The following VWA5B2 variants were observed in gnomAD, a reference collection of about 807,000 sequenced individuals.
VWA5B2 encodes von Willebrand factor A domain containing 5B2, also known as von Willebrand factor A domain-containing protein 5B2.
Under a neutral mutation model 118.5 loss-of-function variants are expected in VWA5B2, and 93 were observed. The observed-to-expected ratio is 0.79, with a 90% CI of 0.66 to 0.93. VWA5B2 has a LOEUF of 0.93. VWA5B2 is among the 40% of genes least tolerant of loss of function. The pLI is 0.00. For missense variants in VWA5B2, 1,546 were observed against 1,672.8 expected (o/e 0.92, Z 1.32); for synonymous variants, 708 against 716.3 (o/e 0.99, Z 0.19).
At chr3:184,236,113 T>G in intron 8 of VWA5B2, 39 bp from the exon 9 acceptor site, 2 of 1,520,788 alleles carry the variant, frequency 1.3e-6, no homozygotes, top group African/African-American at 1.4e-5. Flanking sequence ...TCAGGGCCCA[T>G]GGGGCCGGCC....
intron 6 of VWA5B2, 30 bp downstream of exon 6, chr3:184,234,427 C>T: frequency 9.0e-6 from 14 of 1,550,298 alleles, no homozygotes; most frequent in Non-Finnish European, 1.2e-5. Flanking sequence ...CGTGGGCCGG[C>T]TCTGACCTGC....
Position 184,239,688 on chromosome 3 carries a change from G to T in VWA5B2, c.2393-1G>T. The T allele has an allele frequency of 6.8e-7, 1 of 1,465,958 alleles. No homozygotes were observed. Among genetic ancestry groups the T allele is most frequent in the South Asian group, 1.4e-5 (1 of 70,214 alleles). The allele number at this position is 1,465,958 out of a possible 1,614,324, so 90.8% of individuals were successfully genotyped here. The stretch of plus-strand genomic sequence containing the variant: ...ATGCCCCTGCTGTCTTGCCTCCCCA[G>T]GAAACCTGCTCTCCCCAGCCCCTAT... On this transcript the variant is annotated splice_acceptor_variant, in intron 15 of 19. Transcript: ENST00000691901. LOFTEE classifies it high-confidence loss of function. This position sits in a 1 kb window ranked among gnomAD's most constrained non-coding sequence, Gnocchi z 5.1.
In VWA5B2 at chr3:184,239,784, C is replaced by G. The variant is rs1411201743; in HGVS notation, c.2488C>G (p.Pro830Ala). ...GCCTCCTAGTGGGGAGTTGGCCCCTCCAGCAGTGCCTCCCCAGGCTCCACG... is the reference window on the plus strand; with the variant it reads ...GCCTCCTAGTGGGGAGTTGGCCCCTGCAGCAGTGCCTCCCCAGGCTCCACG... ...AVPPSGELAP[P>A]AVPPQAPRCH... The change falls in exon 16 of 20, where the codon CCA becomes GCA. Residue 830 changes from proline (P) to alanine (A), a missense_variant. Pro to Ala is a conservative substitution (Grantham distance 27, BLOSUM62 -1). Transcript: ENST00000691901. This position sits in a 1 kb window ranked among gnomAD's most constrained non-coding sequence, Gnocchi z 5.1. 1 of 1,542,452 alleles carries G rather than the reference C, an allele frequency of 6.5e-7. No homozygotes were observed. The highest frequency in any genetic ancestry group is 8.8e-7 in the Non-Finnish European group (1 of 1,140,848).
chr3:184,233,061 C>T lies in VWA5B2; in HGVS notation c.311-117C>T. The T allele has an allele frequency of 1.2e-6, 1 of 866,216 alleles. No individual in the cohort carries two copies. Among genetic ancestry groups the T allele is most frequent in the Non-Finnish European group, 1.8e-6 (1 of 556,882 alleles). 53.7% of individuals were successfully genotyped at this position (866,216 alleles called of 1,614,324 possible). A position where few individuals can be genotyped will look rare whatever the true frequency, so the allele number is the denominator to read the frequency against. ...GCGTCACCAATGCATTAGCCTAGTG[C>T]CAACACGCAAAGTCCCCCTTGCCCA... is the stretch of plus-strand genomic sequence containing the variant. On this transcript the variant is annotated intron_variant, in intron 3 of 19. Transcript: ENST00000691901. This position sits in a 1 kb window ranked among gnomAD's most constrained non-coding sequence, Gnocchi z 5.2.
At chr3:184,240,677 A>G in intron 16 of VWA5B2, 114 bp from the exon 17 acceptor site, 1 of 1,404,464 alleles carries the variant, frequency 7.1e-7, no homozygotes, top group South Asian at 1.4e-5. Flanking sequence ...AAGGCAATCT[A>G]CTCTGTTAAA....
Position 184,238,738 on chromosome 3 carries a change from A to T in VWA5B2, c.2067A>T (p.Ser689=). 6.4e-7 allele frequency: 1 copy of T among 1,550,928 alleles called. No individual in the cohort carries two copies. The highest frequency in any genetic ancestry group is 8.7e-7 in the Non-Finnish European group (1 of 1,146,966). Residue 689 remains serine (S), a synonymous_variant, in exon 14 of 20, where the codon TCA becomes TCT. Transcript: ENST00000691901. This position sits in a 1 kb window ranked among gnomAD's most constrained non-coding sequence, Gnocchi z 5.0. Reference sequence around the variant, plus strand: ...CAGGCAGCAGTGAGTCCCCAGGCTCACAGGGCCCTGGCTCCCCCGAAGGTA... The same window carrying T: ...CAGGCAGCAGTGAGTCCCCAGGCTCTCAGGGCCCTGGCTCCCCCGAAGGTA... The part of the protein sequence containing the change: ...GSTGSSESPG[S]QGPGSPEGSA...
rs1209912339 is a variant in VWA5B2, at chr3:184,236,201, A to G, written c.1151A>G (p.Asn384Ser). Residue 384 changes from asparagine (N) to serine (S), a missense_variant, in exon 9 of 20, where the codon AAC (asparagine) becomes AGC (serine). By Grantham distance (46) the Asn-to-Ser change is conservative. Around this residue, in one of 3 missense-constraint regions of VWA5B2, gnomAD observed 775 missense variants for 882.3 expected, o/e 0.88. Transcript: ENST00000691901. ...VKSLPPQTLI[N>S]LAVFGTLVQP... ...TCCCTCCCGCCCCAGACGCTTATCA[A>G]CCTGGCCGTGTTTGGGACGTTGGTG... 11 of 1,551,596 alleles carry G rather than the reference A, an allele frequency of 7.1e-6. No homozygotes were observed. The highest frequency in any genetic ancestry group is 8.7e-6 in the Non-Finnish European group (10 of 1,147,004).
chr3:184,236,405 C>T lies in VWA5B2; in HGVS notation c.1275C>T (p.Asp425=), dbSNP rs1052053598. The T allele has an allele frequency of 5.2e-5, 81 of 1,545,908 alleles. No homozygotes were observed. The highest frequency in any genetic ancestry group is 9.8e-5 in the East Asian group (4 of 40,840). Residue 425 remains aspartate (D), a synonymous_variant, in exon 10 of 20, where the codon GAC becomes GAT. Transcript: ENST00000691901. ...TGCAGGTTCCGAGTGGGCCCCCAGACGTGCTGGCTGCTCTGGACTGGGCCG... is the reference window on the plus strand; with the variant it reads ...TGCAGGTTCCGAGTGGGCCCCCAGATGTGCTGGCTGCTCTGGACTGGGCCG... The part of the protein sequence containing the change: ...ETLQVPSGPP[D]VLAALDWAVG...
chr3:184,236,651 G>A lies in VWA5B2; in HGVS notation c.1435G>A (p.Gly479Arg). The A allele has an allele frequency of 1.3e-6, 2 of 1,551,216 alleles. No individual in the cohort carries two copies. The highest frequency in any genetic ancestry group is 1.7e-6 in the Non-Finnish European group (2 of 1,146,674). ...HRGTARCFSF[G>R]LGPTCHQLLQ... is the part of the protein sequence containing the mutation. ...TTCCTTCATCAGATGCTTCTCCTTT[G>A]GGCTGGGGCCCACCTGCCACCAGCT... The change falls in exon 11 of 20, where the codon GGG becomes AGG. Residue 479 changes from glycine (G) to arginine (R), a missense_variant. Gly to Arg is a moderately radical substitution (Grantham distance 125). Transcript: ENST00000691901.
Position 184,235,309 on chromosome 3 carries a change from G to T in VWA5B2, c.1101+1G>T. The T allele has an allele frequency of 6.4e-7, 1 of 1,551,344 alleles. No individual in the cohort carries two copies. On this transcript the variant is annotated splice_donor_variant, in intron 8 of 19. Coordinates refer to ENST00000691901, the MANE Select transcript of VWA5B2 (RefSeq NM_001390846.1). LOFTEE classifies it high-confidence loss of function. The stretch of plus-strand genomic sequence containing the variant: ...GGATAGCAGCAGCGTGGCACACAAG[G>T]CCCGTGGGGGTGTGGTGTGGGCAGG...
chr3:184,234,378 G>A lies in VWA5B2; in HGVS notation c.801G>A (p.Glu267=). ...AEGHHCDRAL[E]ILLHPSEPHQ... ...GCCACCACTGTGACCGGGCCTTGGA[G>A]ATCCTGCTGCACCCCAGTGGTGAGA... The change falls in exon 6 of 20, where the codon GAG becomes GAA. Residue 267 remains glutamate (E), a synonymous_variant. Coordinates refer to ENST00000691901, the MANE Select transcript of VWA5B2 (RefSeq NM_001390846.1). The A allele has an allele frequency of 6.4e-7, 1 of 1,551,802 alleles. No individual in the cohort carries two copies. The highest frequency in any genetic ancestry group is 8.7e-7 in the Non-Finnish European group (1 of 1,147,032).
In VWA5B2 at chr3:184,234,630, G is replaced by C; in HGVS notation, c.821-1G>C. On this transcript the variant is annotated splice_acceptor_variant, in intron 6 of 19. Transcript: ENST00000691901. LOFTEE classifies it high-confidence loss of function. ...GACAGAATTGTGTCCTCTCCTCTCA[G>C]AGCCCCATCAGCCACACCTGATGCT... 6.4e-7 allele frequency: 1 copy of C among 1,551,222 alleles called. No homozygotes were observed. Among genetic ancestry groups the C allele is most frequent in the Non-Finnish European group, 8.7e-7 (1 of 1,146,934 alleles).
At position 184,238,762 on chromosome 3, in the gene VWA5B2, T is replaced by C; in HGVS notation, c.2091T>C (p.Gly697=). 1.9e-6 allele frequency: 3 copies of C among 1,550,526 alleles called. No individual in the cohort carries two copies. Among genetic ancestry groups the C allele is most frequent in the Middle Eastern group, 1.7e-4 (1 of 5,988 alleles). ...CACAGGGCCCTGGCTCCCCCGAAGG[T>C]AGTGCTCCCTTGGAGCCCCCTTCTC... is the stretch of plus-strand genomic sequence containing the variant. The part of the protein sequence containing the change: ...PGSQGPGSPE[G]SAPLEPPSQQ... The change falls in exon 14 of 20, where the codon GGT becomes GGC. Residue 697 remains glycine (G), a synonymous_variant. Transcript: ENST00000691901. The surrounding 1 kb of genome is among the most constrained non-coding windows in gnomAD (Gnocchi z 5.0).
rs899438735 is a variant in VWA5B2, at chr3:184,241,797, G to A, written c.3488G>A (p.Arg1163Gln). 8.0e-6 allele frequency: 12 copies of A among 1,499,358 alleles called. No homozygotes were observed. The highest frequency in any genetic ancestry group is 4.2e-5 in the African/African-American group (3 of 72,238). The allele number at this position is 1,499,358 out of a possible 1,614,324, so 92.9% of individuals were successfully genotyped here. Reference protein sequence around the residue: ...GAEGLGGTDLRGRTWATAVAL... With the variant: ...GAEGLGGTDLQGRTWATAVAL... ...GAAGGGCTGGGCGGCACCGACCTGCGGGGCCGGACCTGGGCCACTGCCGTA... is the reference window on the plus strand; with the variant it reads ...GAAGGGCTGGGCGGCACCGACCTGCAGGGCCGGACCTGGGCCACTGCCGTA... Residue 1163 changes from arginine (R) to glutamine (Q), a missense_variant, in exon 20 of 20, where the codon CGG becomes CAG. Physicochemically the swap from Arg to Gln is conservative, Grantham distance 43. Coordinates refer to ENST00000691901, the MANE Select transcript of VWA5B2 (RefSeq NM_001390846.1). This position sits in a 1 kb window ranked among gnomAD's most constrained non-coding sequence, Gnocchi z 5.1.
At chr3:184,231,217 C>A (rs1455748215) in intron 3 of VWA5B2, among the ~76,000 whole-genome samples, 1 of 152,180 alleles carries the variant, frequency 6.6e-6, no homozygotes, top group Non-Finnish European at 1.5e-5. Flanking sequence ...GCAAAGGGAG[C>A]CTTCTCCCCT....
intron 16 of VWA5B2, 124 bp downstream of exon 16, chr3:184,240,160 C>G: frequency 1.4e-6 from 1 of 736,320 alleles, no homozygotes; most frequent in East Asian, 2.9e-5. Context: ...AGGCTCATCA[C>G]AGACAAGATA....
intron 1 of VWA5B2, among the ~76,000 whole-genome samples, 34 bp downstream of exon 1, chr3:184,229,747 T>A (rs1353886377): frequency 6.6e-6 from 1 of 151,982 alleles, no homozygotes; most frequent in Admixed American, 6.5e-5. Flanking sequence ...AGCGGGGCGA[T>A]CCCCAGAGCC....
In VWA5B2 at chr3:184,236,153, A is replaced by G; in HGVS notation, c.1103A>G (p.Asp368Gly). The change falls in exon 9 of 20, where the codon GAT (aspartate) becomes GGT (glycine). Residue 368 changes from aspartate (D) to glycine (G), a missense_variant and splice_region_variant. This residue lies in a region of VWA5B2 where 775 missense variants were observed against 882.3 expected (regional missense o/e 0.88). Coordinates refer to ENST00000691901, the MANE Select transcript of VWA5B2 (RefSeq NM_001390846.1). The stretch of plus-strand genomic sequence containing the variant: ...GCCGCCCTCCCTGGCCCTCCACAGG[A>G]TGCCATTGTTTTGGCTGTGAAGTCC... ...LLDSSSVAHKDAIVLAVKSLP... is the reference protein window; with the variant it reads ...LLDSSSVAHKGAIVLAVKSLP... 2 of 1,551,276 alleles carry G rather than the reference A, an allele frequency of 1.3e-6. No individual in the cohort carries two copies. Among genetic ancestry groups the G allele is most frequent in the Non-Finnish European group, 1.7e-6 (2 of 1,146,948 alleles).
chr3:184,236,797 C>G, intron 11 of VWA5B2, 48 bp downstream of exon 11: 1 of 1,413,198 alleles, frequency 7.1e-7, no homozygotes, highest in South Asian at 1.4e-5. Context: ...AGTTTTTCTC[C>G]CAAGTTACAC....
Sources: allele counts gnomAD v4.1 joint callset (sites outside exome capture counted in the v4.1 genomes callset), GRCh38; gene constraint gnomAD v4.1.1; regional missense constraint gnomAD v4.1.1; non-coding constraint Gnocchi (gnomAD v3.1); transcripts MANE v1.5; gene names NCBI Gene and HGNC (gene_info 2026-07-23, HGNC 2026-07-21).